LAMB1: variants seen among roughly 807,000 people sequenced by gnomAD.
LAMB1 encodes laminin subunit beta-1.
LAMB1 carries 121 observed loss-of-function variants against 222.3 expected under a neutral mutation model. The observed-to-expected ratio is 0.54, with a 90% CI of 0.47 to 0.63. The LOEUF (loss-of-function observed/expected upper bound fraction) is 0.63. LAMB1 is among the 30% of genes least tolerant of loss of function. The probability of loss-of-function intolerance (pLI) is 0.00; values close to 1 mark genes in which losing one functional copy is unlikely to be tolerated. For missense variants in LAMB1, 2,172 were observed against 2,240.8 expected, an observed-to-expected ratio of 0.97 and a Z score of 0.62; for synonymous variants, 794 against 807.2, an observed-to-expected ratio of 0.98 and a Z score of 0.28.
chr7:107,977,908 G>T, intron 9 of LAMB1, 139 bp downstream of exon 9: 1 of 846,818 alleles, frequency 1.2e-6, no homozygotes, highest in Non-Finnish European at 1.9e-6. Context: ...TGGTTGTCTA[G>T]GAGTATCAGG....
At chr7:107,931,216 G>T in intron 29 of LAMB1, 140 bp downstream of exon 29, 1 of 703,566 alleles carries the variant, frequency 1.4e-6, no homozygotes, top group Non-Finnish European at 2.3e-6. Flanking sequence ...AGTTTAAGAA[G>T]TGGAAACATT....
At position 107,936,836 on chromosome 7, in the gene LAMB1, C is replaced by T. The variant is rs77154077; in HGVS notation, c.3946+257G>A. ...CTAACTGGAGGGAAAAAAAAAAAAT[C>T]AGGAAATGGATACCATTCTGATACA... is the stretch of plus-strand genomic sequence containing the variant. On this transcript the variant is annotated intron_variant, in intron 26 of 33. Transcript: ENST00000222399. 0.014 allele frequency among the ~76,000 whole-genome samples: 2,071 copies of T among 150,614 alleles called. 40 individuals are homozygous for T. The highest frequency in any genetic ancestry group is 0.048 in the African/African-American group (1,972 of 41,036).
chr7:107,966,721 A>G (rs2033644410), intron 13 of LAMB1, among the ~76,000 whole-genome samples: 1 of 152,236 alleles, frequency 6.6e-6, no homozygotes, highest in Non-Finnish European at 1.5e-5. Context: ...CCACCAAAGA[A>G]GAAAACAACT....
At position 107,929,626 on chromosome 7, in the gene LAMB1, A is replaced by G; in HGVS notation, c.4538-7T>C. 1.9e-6 allele frequency: 3 copies of G among 1,612,342 alleles called. No individual in the cohort carries two copies. The highest frequency in any genetic ancestry group is 2.5e-6 in the Non-Finnish European group (3 of 1,178,454). On this transcript the variant is annotated splice_region_variant and splice_polypyrimidine_tract_variant and intron_variant, in intron 29 of 33. Transcript: ENST00000222399. ...TCCAAATCAGCACTATCCTCTGTGA[A>G]AAGCAAAGATGTCCCCAAAAAGAGG...
At position 107,964,182 on chromosome 7, in the gene LAMB1, A is replaced by C. The variant is rs1009084758; in HGVS notation, c.1698+370T>G. ...GCTGTTTCAGCCACCCCAGCTCAAGAGCCAGGCATACATTTAAAGTCACTA... is the reference window on the plus strand; with the variant it reads ...GCTGTTTCAGCCACCCCAGCTCAAGCGCCAGGCATACATTTAAAGTCACTA... On this transcript the variant is annotated intron_variant, in intron 14 of 33. Transcript: ENST00000222399. Among the ~76,000 whole-genome samples the C allele has an allele frequency of 1.3e-5, 2 of 152,234 alleles. 1 individual carries two copies. Among genetic ancestry groups the C allele is most frequent in the East Asian group, 3.8e-4 (2 of 5,198 alleles).
chr7:107,934,021 A>G (rs950061273), intron 27 of LAMB1, among the ~76,000 whole-genome samples: 1 of 152,180 alleles, frequency 6.6e-6, no homozygotes, highest in African/African-American at 2.4e-5. Flanking sequence ...TAAGGAAGGA[A>G]TCAATGCTGA....
At chr7:107,994,105 C>T (rs1247510352) in intron 5 of LAMB1, among the ~76,000 whole-genome samples, 1 of 152,146 alleles carries the variant, frequency 6.6e-6, no homozygotes. Flanking sequence ...GAAAGCTATT[C>T]AAAAGTGATT....
chr7:107,935,264 G>C (rs2032813745), intron 27 of LAMB1, 151 bp downstream of exon 27: 1 of 1,186,328 alleles, frequency 8.4e-7, no homozygotes, highest in African/African-American at 1.5e-5. Flanking sequence ...CCAGGATCCA[G>C]AGACCTCAGC....
In LAMB1 at chr7:107,980,599, G is replaced by A. The variant is rs753386824; in HGVS notation, c.879+10C>T. On this transcript the variant is annotated intron_variant, in intron 8 of 33. Transcript: ENST00000222399. The stretch of plus-strand genomic sequence containing the variant: ...CATAAAGGAGAAAGGTGCACAGAGG[G>A]CTTACTTACCATTCCTTCCACTTCT... 7 of 1,606,006 alleles carry A rather than the reference G, an allele frequency of 4.4e-6. No homozygotes were observed. In the South Asian group the frequency reaches 7.7e-5, roughly 18 times the overall value.
At chr7:107,934,462 G>C (rs2032791743) in intron 27 of LAMB1, among the ~76,000 whole-genome samples, 1 of 152,140 alleles carries the variant, frequency 6.6e-6, no homozygotes, top group African/African-American at 2.4e-5. Context: ...AACACAGGAA[G>C]GAAGAGGAAG....
At chr7:107,991,614 G>T (rs1013050798) in intron 5 of LAMB1, among the ~76,000 whole-genome samples, 5 of 150,294 alleles carry the variant, frequency 3.3e-5, no homozygotes, top group African/African-American at 1.2e-4. Flanking sequence ...ATTACTAAAA[G>T]AATTTCTAAG....
intron 31 of LAMB1, among the ~76,000 whole-genome samples, chr7:107,928,689 T>C (rs1243075595): frequency 2.0e-5 from 3 of 152,156 alleles, no homozygotes; most frequent in African/African-American, 4.8e-5. Flanking sequence ...GAAGGGGTTT[T>C]GCCATGTTGG....
chr7:107,953,846 G>A (rs887911526), intron 21 of LAMB1, 92 bp from the exon 22 acceptor site: 11 of 1,088,526 alleles, frequency 1.0e-5, no homozygotes, highest in East Asian at 7.1e-5. Context: ...AGAGCTGATC[G>A]TGGCGGTGCT....
intron 24 of LAMB1, among the ~76,000 whole-genome samples, chr7:107,941,691 G>T: frequency 6.7e-6 from 1 of 148,410 alleles, no homozygotes; most frequent in East Asian, 2.0e-4. Flanking sequence ...TTTTGCTCTT[G>T]TTGCTCAGGC....
intron 27 of LAMB1, 45 bp from the exon 28 acceptor site, chr7:107,932,422 C>G (rs781632432): frequency 3.6e-5 from 57 of 1,596,358 alleles, no homozygotes; most frequent in South Asian, 1.7e-4. Context: ...GATAGTGAAT[C>G]TGCTGCAGCA....
chr7:108,002,493 T>G lies in LAMB1; in HGVS notation c.37+356A>C, dbSNP rs1356126709. ...CTCAGGCACTCTCCTGGGCAATGGA[T>G]TTTTGGAGAGCCCTCCTCGGTCAGC... On this transcript the variant is annotated intron_variant, in intron 2 of 33. Transcript: ENST00000222399. 5 of 1,174,740 alleles carry G rather than the reference T, an allele frequency of 4.3e-6. No homozygotes were observed. The Admixed American group carries it at 1.6e-4, about 38-fold the overall frequency. 72.8% of individuals were successfully genotyped at this position (1,174,740 alleles called of 1,614,324 possible). A position where few individuals can be genotyped will look rare whatever the true frequency, so the allele number is the denominator to read the frequency against.
intron 31 of LAMB1, among the ~76,000 whole-genome samples, chr7:107,926,783 A>C (rs1447742220): frequency 1.2e-4 from 19 of 152,212 alleles, no homozygotes; most frequent in Admixed American, 1.2e-3. Flanking sequence ...AATAAATGTT[A>C]AACTCTAGTA....
rs2032826289 is a variant in LAMB1 at position 107,935,499 on chromosome 7, C to T, written c.4104G>A (p.Lys1368=). ...GGCGAGCCTGCTCCTCTTGTTTTTC[C>T]TTGAACTGGGATTCTCGCTCCATCA... The part of the protein sequence containing the change: ...DVMMERESQF[K]EKQEEQARLL... Residue 1368 remains lysine, a synonymous_variant, in exon 27 of 34, where the codon AAG becomes AAA. Transcript: ENST00000222399. The T allele has an allele frequency of 6.2e-7, 1 of 1,613,740 alleles. No individual in the cohort carries two copies. Among genetic ancestry groups the T allele is most frequent in the African/African-American group, 1.3e-5 (1 of 74,816 alleles).
At position 107,961,223 on chromosome 7, in the gene LAMB1, A is replaced by T. The variant is rs1307088615; in HGVS notation, c.2092T>A (p.Tyr698Asn). The T allele has an allele frequency of 5.0e-6, 8 of 1,614,136 alleles. No individual in the cohort carries two copies. In the Middle Eastern group the frequency reaches 9.9e-4, roughly 200 times the overall value. ...TSSDSDVESP[Y>N]TLIDSLVLMP... is the part of the protein sequence containing the mutation. ...GCACTTACAGAATCGATCAGCGTGTAGGGGCTCTCCACGTCGCTATCAGAG... is the reference window on the plus strand; with the variant it reads ...GCACTTACAGAATCGATCAGCGTGTTGGGGCTCTCCACGTCGCTATCAGAG... Residue 698 changes from tyrosine (Y) to asparagine (N), a missense_variant, in exon 17 of 34, where the codon TAC becomes AAC. By Grantham distance (143) the Tyr-to-Asn change is moderately radical. Transcript: ENST00000222399.
Sources: gnomAD v4.1 joint callset for allele counts (sites outside exome capture counted in the v4.1 genomes callset) on GRCh38, gnomAD v4.1.1 for gene constraint, MANE v1.5 for transcripts, NCBI Gene and HGNC (gene_info 2026-07-23, HGNC 2026-07-21) for gene names.